The following GRIN2B variants were observed in gnomAD, a reference collection of about 807,000 sequenced individuals.
GRIN2B encodes glutamate ionotropic receptor NMDA type subunit 2B, also known as glutamate receptor ionotropic, NMDA 2B.
In GRIN2B, 5 loss-of-function variants were observed where a neutral mutation model predicts 114.5. The ratio of observed to expected loss-of-function variants is 0.04; its 90% CI spans 0.02 to 0.09. The LOEUF is 0.09. Ranked by LOEUF, GRIN2B falls within the 10% of genes least tolerant of loss-of-function variation. The probability of loss-of-function intolerance (pLI) is 1.00; values close to 1 mark genes in which losing one functional copy is unlikely to be tolerated. For missense variants in GRIN2B, 1,108 were observed against 1,943.5 expected (o/e 0.57, Z 8.08); for synonymous variants, 787 against 745.1 (o/e 1.06, Z -0.92).
intron 4 of GRIN2B, among the ~76,000 whole-genome samples, chr12:13,695,049 G>A (rs950358930): frequency 2.0e-5 from 3 of 152,072 alleles, no homozygotes; most frequent in Admixed American, 6.5e-5. Context: ...CAAGGAGTTT[G>A]CTGTTCTATG....
chr12:13,948,739 TGA>T (rs1867414590), intron 2 of GRIN2B, among the ~76,000 whole-genome samples: 1 of 152,084 alleles, frequency 6.6e-6, no homozygotes, highest in East Asian at 1.9e-4. Context: ...TGGTGTGTCT[TGA>T]TTTACTTTTG....
chr12:13,611,032 G>A (rs963251522), intron 9 of GRIN2B, among the ~76,000 whole-genome samples: 6 of 152,262 alleles, frequency 3.9e-5, no homozygotes, highest in Non-Finnish European at 8.8e-5. Flanking sequence ...TATTTACAAG[G>A]ATCCCATGGT....
rs929522911 is a variant in GRIN2B at position 13,547,304 on chromosome 12, C to G, written c.*15479G>C. 16 of 152,014 alleles carry G rather than the reference C, an allele frequency of 1.1e-4. No individual in the cohort carries two copies. The highest frequency in any genetic ancestry group is 3.9e-4 in the African/African-American group (16 of 41,380). 9.4% of individuals were successfully genotyped at this position (152,014 alleles called of 1,614,324 possible). The stretch of plus-strand genomic sequence containing the variant: ...TGGCTAAAAATATAAGTATTTTGGT[C>G]TATTTTATATTATAGCTGTCTTTCC... On this transcript the variant is annotated 3_prime_UTR_variant, in exon 14 of 14. Transcript: ENST00000609686.
chr12:13,713,265 C>T (rs1157171848), intron 4 of GRIN2B, among the ~76,000 whole-genome samples: 1 of 151,818 alleles, frequency 6.6e-6, no homozygotes, highest in Non-Finnish European at 1.5e-5. Flanking sequence ...ATGCTCCTAG[C>T]AGACATAATT....
chr12:13,869,065 C>G (rs1434376526), intron 2 of GRIN2B, among the ~76,000 whole-genome samples: 1 of 152,110 alleles, frequency 6.6e-6, no homozygotes, highest in East Asian at 1.9e-4. Flanking sequence ...CCTTTGGGCT[C>G]TCACCATAGC....
intron 3 of GRIN2B, among the ~76,000 whole-genome samples, chr12:13,809,903 T>C (rs1864694432): frequency 6.6e-6 from 1 of 152,216 alleles, no homozygotes; most frequent in South Asian, 2.1e-4. Flanking sequence ...GTTAGGCTGC[T>C]CTGTGGGATC....
At chr12:13,602,126 A>G (rs1041025129) in intron 10 of GRIN2B, among the ~76,000 whole-genome samples, 2 of 152,058 alleles carry the variant, frequency 1.3e-5, no homozygotes, top group African/African-American at 2.4e-5. Flanking sequence ...AAGAGAACAA[A>G]AGGCAAGTGT....
chr12:13,821,137 TC>T (rs1438445540), intron 3 of GRIN2B, among the ~76,000 whole-genome samples: 2 of 152,092 alleles, frequency 1.3e-5, no homozygotes, highest in African/African-American at 2.4e-5. Context: ...TTGAATGCTT[TC>T]CTACTATTTC....
At chr12:13,576,437 T>TAAAC (rs1188765747) in intron 10 of GRIN2B, among the ~76,000 whole-genome samples, 1 of 152,196 alleles carries the variant, frequency 6.6e-6, no homozygotes, top group African/African-American at 2.4e-5. Context: ...AAATAATTTT[T>TAAAC]AAACAAATTT....
chr12:13,980,897 CGCGCACACACGCCCCCG>C (rs1863121812), intron 1 of GRIN2B, among the ~76,000 whole-genome samples: 2 of 152,136 alleles, frequency 1.3e-5, no homozygotes, highest in South Asian at 4.1e-4. Flanking sequence ...CACACTGACG[CGCGCACACACGCCCCCG>C]ACGCGCACGC....
At chr12:13,620,500 C>T (rs1342630461) in intron 5 of GRIN2B, among the ~76,000 whole-genome samples, 1 of 152,200 alleles carries the variant, frequency 6.6e-6, no homozygotes, top group Non-Finnish European at 1.5e-5. Flanking sequence ...CGTCAACCAG[C>T]TCACCACTGC....
intron 12 of GRIN2B, among the ~76,000 whole-genome samples, chr12:13,567,908 TGGGGAA>T (rs1948661980): frequency 6.6e-6 from 1 of 152,012 alleles, no homozygotes; most frequent in Non-Finnish European, 1.5e-5. Context: ...TTATAGACAG[TGGGGAA>T]TAACATAATC....
chr12:13,901,300 G>A (rs1866448385), intron 2 of GRIN2B, among the ~76,000 whole-genome samples: 1 of 151,934 alleles, frequency 6.6e-6, no homozygotes, highest in Non-Finnish European at 1.5e-5. Context: ...AGGCCTATTT[G>A]TCCACTTTAC....
chr12:13,695,358 A>G (rs1950251140), intron 4 of GRIN2B, among the ~76,000 whole-genome samples: 1 of 152,218 alleles, frequency 6.6e-6, no homozygotes, highest in South Asian at 2.1e-4. Context: ...TGAGGAGAGG[A>G]AAACCCCATG....
intron 5 of GRIN2B, among the ~76,000 whole-genome samples, chr12:13,623,237 C>T (rs542143939): frequency 5.7e-4 from 87 of 152,236 alleles, no homozygotes; most frequent in African/African-American, 2.0e-3. Flanking sequence ...CAAGCATAGC[C>T]CTATTGATAT....
chr12:13,804,278 T>A (rs1864565382), intron 3 of GRIN2B, among the ~76,000 whole-genome samples: 1 of 151,742 alleles, frequency 6.6e-6, no homozygotes, highest in African/African-American at 2.4e-5. Context: ...TTCTATTAAA[T>A]TGATTTTCAC....
intron 5 of GRIN2B, among the ~76,000 whole-genome samples, chr12:13,627,532 T>C (rs1266433572): frequency 6.6e-6 from 1 of 152,234 alleles, no homozygotes; most frequent in African/African-American, 2.4e-5. Flanking sequence ...CGCCAATTTC[T>C]GTCAACATCT....
At chr12:13,719,157 T>A (rs1950486414) in intron 4 of GRIN2B, among the ~76,000 whole-genome samples, 1 of 152,012 alleles carries the variant, frequency 6.6e-6, no homozygotes. Flanking sequence ...ACACCTGGTA[T>A]CCAACAGAGT....
upstream of GRIN2B, among the ~76,000 whole-genome samples, chr12:13,982,131 G>T (rs10400494): frequency 3.6e-3 from 551 of 151,892 alleles, 3 homozygotes; most frequent in African/African-American, 0.013. Context: ...GTGGTAAGGT[G>T]GATGGAAGGG....
Sources: allele counts gnomAD v4.1 joint callset (sites outside exome capture counted in the v4.1 genomes callset), GRCh38; gene constraint gnomAD v4.1.1; transcripts MANE v1.5; gene names NCBI Gene and HGNC (gene_info 2026-07-23, HGNC 2026-07-21).